CLMP: variants seen among roughly 807,000 people sequenced by gnomAD.
The protein encoded by CLMP is CXADR like cell adhesion molecule.
In CLMP, 27 loss-of-function variants were observed where a neutral mutation model predicts 45.2. That is an observed-to-expected ratio of 0.60 (90% CI 0.44 to 0.82). The LOEUF (loss-of-function observed/expected upper bound fraction) is 0.82, where lower values mean the gene tolerates loss of function less well. Ranked by LOEUF, CLMP falls within the 40% of genes least tolerant of loss-of-function variation. The probability of loss-of-function intolerance (pLI) is 0.00; values close to 1 mark genes in which losing one functional copy is unlikely to be tolerated. For missense variants in CLMP, 403 were observed against 448.4 expected (o/e 0.90, Z 0.91); for synonymous variants, 167 against 171.4 (o/e 0.97, Z 0.20).
intron 1 of CLMP, among the ~76,000 whole-genome samples, chr11:123,187,147 C>G (rs1251411079): frequency 6.6e-6 from 1 of 152,070 alleles, no homozygotes; most frequent in Admixed American, 6.6e-5. Flanking sequence ...TGATGAGAAA[C>G]CTAAGGTTGG....
intron 1 of CLMP, among the ~76,000 whole-genome samples, chr11:123,119,323 T>C (rs1158338734): frequency 6.6e-6 from 1 of 151,950 alleles, no homozygotes; most frequent in Non-Finnish European, 1.5e-5. Context: ...CCTCAGGTGA[T>C]CCGCCTGCCT....
intron 1 of CLMP, among the ~76,000 whole-genome samples, chr11:123,107,494 G>T (rs1054096627): frequency 2.0e-5 from 3 of 151,018 alleles, no homozygotes; most frequent in Non-Finnish European, 4.4e-5. Context: ...GCCTCCCAAA[G>T]TGCTGGGATT....
At chr11:123,097,471 A>G (rs543437015) in intron 2 of CLMP, among the ~76,000 whole-genome samples, 203 of 152,076 alleles carry the variant, frequency 1.3e-3, no homozygotes, top group African/African-American at 4.8e-3. Flanking sequence ...CCAAGTAGCT[A>G]GGTTTACAGG....
rs34392557 is a variant in CLMP, at chr11:123,102,707, CTTTT to C, written c.29-4759_29-4756del. Among the ~76,000 whole-genome samples the C allele has an allele frequency of 1.6e-3, 153 of 93,284 alleles. 2 individuals are homozygous for C. Among genetic ancestry groups the C allele is most frequent in the African/African-American group, 6.5e-3 (133 of 20,418 alleles). 61.2% of individuals were successfully genotyped at this position (93,284 alleles called of 152,430 possible). Reference sequence around the variant, plus strand: ...TCTCCTGCCTCAGCCTCCCGAGTAGCTTTTTTTTTTTTTTTTTTTTTGTATTTTT... The same window carrying C: ...TCTCCTGCCTCAGCCTCCCGAGTAGCTTTTTTTTTTTTTTTTTGTATTTTT... On this transcript the variant is annotated intron_variant, in intron 1 of 6. Coordinates refer to ENST00000448775, the MANE Select transcript of CLMP (RefSeq NM_024769.5).
At chr11:123,110,824 G>A (rs1422024958) in intron 1 of CLMP, among the ~76,000 whole-genome samples, 1 of 152,196 alleles carries the variant, frequency 6.6e-6, no homozygotes, top group Non-Finnish European at 1.5e-5. Context: ...GGCTTAATAT[G>A]TTGACTGACT....
chr11:123,169,250 C>G (rs922413272), intron 1 of CLMP, among the ~76,000 whole-genome samples: 5 of 152,164 alleles, frequency 3.3e-5, no homozygotes, highest in Non-Finnish European at 7.3e-5. Flanking sequence ...TTTATGTGAA[C>G]TTAAGATGCT....
At chr11:123,096,420 A>G (rs1865990165) in intron 2 of CLMP, among the ~76,000 whole-genome samples, 1 of 152,194 alleles carries the variant, frequency 6.6e-6, no homozygotes, top group Non-Finnish European at 1.5e-5. Flanking sequence ...GCTGCTCAAG[A>G]GGCTGAAGCG....
At chr11:123,164,854 CAT>C (rs1565401420) in intron 1 of CLMP, among the ~76,000 whole-genome samples, 1 of 152,030 alleles carries the variant, frequency 6.6e-6, no homozygotes, top group African/African-American at 2.4e-5. Context: ...GTTTTTAAAA[CAT>C]GATAATACAC....
At chr11:123,137,592 G>A (rs1298538378) in intron 1 of CLMP, among the ~76,000 whole-genome samples, 1 of 152,034 alleles carries the variant, frequency 6.6e-6, no homozygotes, top group African/African-American at 2.4e-5. Context: ...CCCCAGAGAT[G>A]AGAGCTCCCC....
At chr11:123,132,773 A>T in intron 1 of CLMP, among the ~76,000 whole-genome samples, 1 of 142,150 alleles carries the variant, frequency 7.0e-6, no homozygotes, top group South Asian at 2.2e-4. Context: ...TTTTTATTTT[A>T]TTTTTATTTA....
At chr11:123,150,561 A>AAGGAAAGC (rs1555084624) in intron 1 of CLMP, among the ~76,000 whole-genome samples, 1 of 120,696 alleles carries the variant, frequency 8.3e-6, no homozygotes, top group Non-Finnish European at 1.7e-5. Context: ...GGAAGGAAGG[A>AAGGAAAGC]AAGGAAGGAA....
At chr11:123,110,105 G>A (rs1160842136) in intron 1 of CLMP, among the ~76,000 whole-genome samples, 2 of 152,106 alleles carry the variant, frequency 1.3e-5, no homozygotes, top group Non-Finnish European at 1.5e-5. Context: ...AATCATTATG[G>A]TGCCTAGTTA....
intron 1 of CLMP, among the ~76,000 whole-genome samples, chr11:123,139,966 T>G (rs4936779): frequency 0.01 from 1,598 of 152,304 alleles, 12 homozygotes; most frequent in Admixed American, 0.016. Context: ...CCAATTCATG[T>G]GAGTGTAAAT....
chr11:123,160,610 T>C (rs932840654), intron 1 of CLMP, among the ~76,000 whole-genome samples: 2 of 152,154 alleles, frequency 1.3e-5, no homozygotes, highest in African/African-American at 4.8e-5. Context: ...GTATAATAGC[T>C]TAGTCCTATT....
Position 123,073,706 on chromosome 11 carries a change from G to A in CLMP, c.890C>T (p.Ser297Leu). Reference sequence around the variant, plus strand: ...GCGAGTGGAGGAAGAACCAGAGCGTGAGCTCCGAGAGCCTGAGGAAGAGGA... The same window carrying A: ...GCGAGTGGAGGAAGAACCAGAGCGTAAGCTCCGAGAGCCTGAGGAAGAGGA... ...PSSSSSGSRS[S>L]RSGSSSTRST... The change falls in exon 7 of 7, where the codon TCA becomes TTA. Residue 297 changes from serine (S) to leucine (L), a missense_variant. Physicochemically the swap from Ser to Leu is moderately radical, Grantham distance 145. Transcript: ENST00000448775. 1 of 1,614,060 alleles carries A rather than the reference G, an allele frequency of 6.2e-7. No individual in the cohort carries two copies. The highest frequency in any genetic ancestry group is 8.5e-7 in the Non-Finnish European group (1 of 1,179,950).
intron 5 of CLMP, among the ~76,000 whole-genome samples, chr11:123,078,630 T>G (rs942187549): frequency 4.9e-5 from 7 of 144,132 alleles, no homozygotes; most frequent in South Asian, 2.2e-4. Flanking sequence ...TTTTTTTGTG[T>G]TTTTTTTGGT....
At chr11:123,077,946 A>C (rs1591448332) in intron 5 of CLMP, among the ~76,000 whole-genome samples, 2 of 152,226 alleles carry the variant, frequency 1.3e-5, no homozygotes, top group South Asian at 4.2e-4. Context: ...GTCTCTACTA[A>C]AAATGCAAAA....
intron 1 of CLMP, among the ~76,000 whole-genome samples, chr11:123,125,440 A>T (rs1860874386): frequency 7.9e-6 from 1 of 126,900 alleles, no homozygotes; most frequent in Non-Finnish European, 1.7e-5. Flanking sequence ...GTTCCCCAGC[A>T]CTCACTCTCC....
At chr11:123,141,602 G>A (rs186232588) in intron 1 of CLMP, among the ~76,000 whole-genome samples, 76 of 152,116 alleles carry the variant, frequency 5.0e-4, no homozygotes, top group Non-Finnish European at 8.2e-4. Flanking sequence ...CAAAATTGCC[G>A]TCACCTGAGA....
Sources: gnomAD v4.1 joint callset for allele counts (sites outside exome capture counted in the v4.1 genomes callset) on GRCh38, gnomAD v4.1.1 for gene constraint, MANE v1.5 for transcripts, NCBI Gene and HGNC (gene_info 2026-07-23, HGNC 2026-07-21) for gene names.